PODXL: variants seen among roughly 807,000 people sequenced by gnomAD.
PODXL encodes podocalyxin.
Under a neutral mutation model 48.9 loss-of-function variants are expected in PODXL, and 20 were observed. The observed-to-expected ratio is 0.41, with a 90% CI of 0.29 to 0.59. The LOEUF (loss-of-function observed/expected upper bound fraction) is 0.59, where lower values mean the gene tolerates loss of function less well. Ranked by LOEUF, PODXL falls within the 20% of genes least tolerant of loss-of-function variation. The pLI is 0.31. For synonymous variants in PODXL, 295 were observed against 287.4 expected, an observed-to-expected ratio of 1.03 and a Z score of -0.27; for missense variants, 606 against 675.1, an observed-to-expected ratio of 0.90 and a Z score of 1.13.
chr7:131,540,338 T>G (rs1035772732), intron 1 of PODXL, among the ~76,000 whole-genome samples: 1 of 152,136 alleles, frequency 6.6e-6, no homozygotes, highest in African/African-American at 2.4e-5. Context: ...TGAGCCACAG[T>G]GTCTGGCCTA....
intron 1 of PODXL, among the ~76,000 whole-genome samples, chr7:131,550,500 GC>G (rs1302000978): frequency 1.3e-5 from 2 of 152,124 alleles, no homozygotes; most frequent in African/African-American, 4.8e-5. Flanking sequence ...ACAGAAATTA[GC>G]TGGGTGTGGT....
chr7:131,547,370 G>A (rs1339235112), intron 1 of PODXL, among the ~76,000 whole-genome samples: 5 of 40,300 alleles, frequency 1.2e-4, no homozygotes, highest in East Asian at 2.0e-3. Flanking sequence ...GTGAAACTCC[G>A]TCTCAAAAAA....
In PODXL at chr7:131,504,002, A is replaced by G. The variant is rs546769707; in HGVS notation, c.*309T>C. The stretch of plus-strand genomic sequence containing the variant: ...CACTTACCCTCTTCAGGTCTCGGCA[A>G]TCTCACTGCAGAATGAAGGGATTCC... On this transcript the variant is annotated 3_prime_UTR_variant, in exon 9 of 9. Coordinates refer to ENST00000378555, the MANE Select transcript of PODXL (RefSeq NM_001018111.3). 8.2e-5 allele frequency: 33 copies of G among 400,756 alleles called. No individual in the cohort carries two copies. The highest frequency in any genetic ancestry group is 4.5e-4 in the Admixed American group (11 of 24,298). The allele number at this position is 400,756 out of a possible 1,614,324, so 24.8% of individuals were successfully genotyped here. A position where few individuals can be genotyped will look rare whatever the true frequency, so the allele number is the denominator to read the frequency against.
At chr7:131,541,558 C>T (rs747006538) in intron 1 of PODXL, among the ~76,000 whole-genome samples, 2 of 151,756 alleles carry the variant, frequency 1.3e-5, no homozygotes, top group Non-Finnish European at 2.9e-5. Flanking sequence ...TGGTGGTGGG[C>T]GTCTCTAATC....
In PODXL at chr7:131,505,936, A is replaced by T; in HGVS notation, c.1411T>A (p.Ser471Thr). Reference protein sequence around the residue: ...PLIITIVCMASFLLLVAALYG... With the variant: ...PLIITIVCMATFLLLVAALYG... ...AGGGCCGCCACGAGGAGCAGGAATG[A>T]TGCCATGCAGACGATGGTGATGATG... Residue 471 changes from serine (S) to threonine (T), a missense_variant, in exon 8 of 9, where the codon TCA becomes ACA. By Grantham distance (58) the Ser-to-Thr change is moderately conservative. Coordinates refer to ENST00000378555, the MANE Select transcript of PODXL (RefSeq NM_001018111.3). The T allele has an allele frequency of 1.9e-6, 3 of 1,601,608 alleles. No homozygotes were observed. Among genetic ancestry groups the T allele is most frequent in the Non-Finnish European group, 2.6e-6 (3 of 1,174,746 alleles).
chr7:131,544,400 G>A (rs1798530361), intron 1 of PODXL, among the ~76,000 whole-genome samples: 1 of 152,240 alleles, frequency 6.6e-6, no homozygotes, highest in Non-Finnish European at 1.5e-5. Flanking sequence ...CTGCCCAAGT[G>A]TAATCCCCAT....
intron 1 of PODXL, among the ~76,000 whole-genome samples, chr7:131,544,740 C>G (rs1798544586): frequency 6.6e-6 from 1 of 152,184 alleles, no homozygotes; most frequent in Non-Finnish European, 1.5e-5. Flanking sequence ...GGGCACCCCT[C>G]CTCATTGTCC....
chr7:131,533,390 C>T lies in PODXL; in HGVS notation c.101-21957G>A, dbSNP rs930272661. Among the ~76,000 whole-genome samples the T allele has an allele frequency of 9.2e-5, 14 of 152,184 alleles. 1 individual carries two copies. The highest frequency in any genetic ancestry group is 6.2e-4 in the South Asian group (3 of 4,828). Reference sequence around the variant, plus strand: ...GCTGCCCCCTTAGGGGAGATAATTCCGGGCATTCTTCAAATCTGGAATTGT... The same window carrying T: ...GCTGCCCCCTTAGGGGAGATAATTCTGGGCATTCTTCAAATCTGGAATTGT... On this transcript the variant is annotated intron_variant, in intron 1 of 8. Coordinates refer to ENST00000378555, the MANE Select transcript of PODXL (RefSeq NM_001018111.3).
chr7:131,546,955 A>G (rs1798587762), intron 1 of PODXL, among the ~76,000 whole-genome samples: 1 of 152,152 alleles, frequency 6.6e-6, no homozygotes, highest in African/African-American at 2.4e-5. Flanking sequence ...GTAATGGGGA[A>G]GGGCCTTGAA....
chr7:131,522,275 A>C (rs530820324), intron 1 of PODXL, among the ~76,000 whole-genome samples: 1 of 152,236 alleles, frequency 6.6e-6, no homozygotes, highest in African/African-American at 2.4e-5. Context: ...ACACAATGAA[A>C]CCCTGTCTCT....
rs898772066 is a variant in PODXL, at chr7:131,500,677, G to T, written c.*3634C>A. The T allele has an allele frequency of 6.6e-6, 1 of 152,190 alleles. No homozygotes were observed. Among genetic ancestry groups the T allele is most frequent in the African/African-American group, 2.4e-5 (1 of 41,446 alleles). The allele number at this position is 152,190 out of a possible 1,614,324, so 9.4% of individuals were successfully genotyped here. On this transcript the variant is annotated 3_prime_UTR_variant, in exon 9 of 9. Transcript: ENST00000378555. ...AACTTTGTTTCTTGGCAGAAAGAAA[G>T]AATTGTTCACTTACATCTTAAACCT... is the stretch of plus-strand genomic sequence containing the variant.
intron 1 of PODXL, among the ~76,000 whole-genome samples, chr7:131,549,747 T>TGG (rs1026304230): frequency 3.9e-5 from 6 of 152,128 alleles, no homozygotes; most frequent in African/African-American, 1.4e-4. Context: ...TCCCCCTGAG[T>TGG]GGAGGCACAT....
At position 131,504,422 on chromosome 7, in the gene PODXL, C is replaced by T; in HGVS notation, c.1566G>A (p.Met522Ile). The change falls in exon 9 of 9, where the codon ATG becomes ATA. Residue 522 changes from methionine (M) to isoleucine (I), a missense_variant. Coordinates refer to ENST00000378555, the MANE Select transcript of PODXL (RefSeq NM_001018111.3). ...TLEVMETSSEMQEKKVVSLNG... is the reference protein window; with the variant it reads ...TLEVMETSSEIQEKKVVSLNG... ...TGAGGCTGACCACCTTCTTCTCCTG[C>T]ATCTCAGAAGAGGTCTCCATCACTT... is the stretch of plus-strand genomic sequence containing the variant. 8 of 1,613,788 alleles carry T rather than the reference C, an allele frequency of 5.0e-6. No homozygotes were observed. Among genetic ancestry groups the T allele is most frequent in the Non-Finnish European group, 6.8e-6 (8 of 1,179,640 alleles).
chr7:131,538,703 C>T (rs1300607175), intron 1 of PODXL, among the ~76,000 whole-genome samples: 3 of 152,162 alleles, frequency 2.0e-5, no homozygotes, highest in Non-Finnish European at 4.4e-5. Context: ...TCTGGTTCCT[C>T]TCCCTCTCAA....
chr7:131,507,886 G>A (rs972506636), intron 5 of PODXL, among the ~76,000 whole-genome samples: 2 of 152,134 alleles, frequency 1.3e-5, no homozygotes, highest in African/African-American at 2.4e-5. Flanking sequence ...GGAAAATGCC[G>A]GCATAATGGA....
In PODXL at chr7:131,502,906, AGAG is replaced by A. The variant is rs1454162595; in HGVS notation, c.*1402_*1404del. ...ACCGCAGCAGCCCCACTAGGCTCAC[AGAG>A]AAGAGGAACAGCAAGGCCTAGCTCC... On this transcript the variant is annotated 3_prime_UTR_variant, in exon 9 of 9. Coordinates refer to ENST00000378555, the MANE Select transcript of PODXL (RefSeq NM_001018111.3). 2.0e-5 allele frequency: 3 copies of A among 152,816 alleles called. No individual in the cohort carries two copies. The highest frequency in any genetic ancestry group is 7.2e-5 in the African/African-American group (3 of 41,468). 9.5% of individuals were successfully genotyped at this position (152,816 alleles called of 1,614,324 possible).
intron 1 of PODXL, among the ~76,000 whole-genome samples, chr7:131,518,266 G>A (rs1798034553): frequency 6.6e-6 from 1 of 152,180 alleles, no homozygotes; most frequent in South Asian, 2.1e-4. Flanking sequence ...AATACCAGGA[G>A]TCTTTCAAAC....
In PODXL at chr7:131,504,035, C is replaced by T; in HGVS notation, c.*276G>A. 1 of 488,630 alleles carries T rather than the reference C, an allele frequency of 2.0e-6. No individual in the cohort carries two copies. The highest frequency in any genetic ancestry group is 2.3e-5 in the South Asian group (1 of 42,870). The allele number at this position is 488,630 out of a possible 1,614,324, so 30.3% of individuals were successfully genotyped here. On this transcript the variant is annotated 3_prime_UTR_variant, in exon 9 of 9. Coordinates refer to ENST00000378555, the MANE Select transcript of PODXL (RefSeq NM_001018111.3). The stretch of plus-strand genomic sequence containing the variant: ...GCAGAATGAAGGGATTCCACTAGTT[C>T]ATCTATAAAGTCCCTTACGTGGCTT...
chr7:131,555,343 G>C (rs1798725998), intron 1 of PODXL, among the ~76,000 whole-genome samples: 1 of 152,206 alleles, frequency 6.6e-6, no homozygotes, highest in Non-Finnish European at 1.5e-5. Context: ...TGTTCCCTAG[G>C]GGCTTAAGAA....
Sources: gnomAD v4.1 joint callset for allele counts (sites outside exome capture counted in the v4.1 genomes callset) on GRCh38, gnomAD v4.1.1 for gene constraint, MANE v1.5 for transcripts, NCBI Gene and HGNC (gene_info 2026-07-23, HGNC 2026-07-21) for gene names.